Variants in GNAL observed in about 807,000 individuals in gnomAD.
The protein encoded by GNAL is G protein subunit alpha L, also known as guanine nucleotide-binding protein G(olf) subunit alpha.
A neutral mutation model predicts 55.1 loss-of-function variants in GNAL; 18 were observed. The ratio of observed to expected loss-of-function variants is 0.33; its 90% CI spans 0.23 to 0.48. GNAL has a LOEUF of 0.48. Ranked by LOEUF, GNAL falls within the 20% of genes least tolerant of loss-of-function variation. The probability of loss-of-function intolerance (pLI) is 0.99; values close to 1 mark genes in which losing one functional copy is unlikely to be tolerated. For synonymous variants in GNAL, 253 were observed against 237.0 expected, an observed-to-expected ratio of 1.07 and a Z score of -0.62; for missense variants, 412 against 614.1, an observed-to-expected ratio of 0.67 and a Z score of 3.48.
chr18:11,751,550 G>C lies in GNAL; in HGVS notation c.377-1303G>C, dbSNP rs1011635381. 4 of 985,428 alleles carry C rather than the reference G, an allele frequency of 4.1e-6. No individual in the cohort carries two copies. The highest frequency in any genetic ancestry group is 1.7e-5 in the African/African-American group (1 of 57,256). The allele number at this position is 985,428 out of a possible 1,614,324, so 61.0% of individuals were successfully genotyped here. ...TCCTCCTCCCTGCTAGAATATGCAT[G>C]ATCCTCCGCGAGTCTTCGCCCGCCA... On this transcript the variant is annotated intron_variant, in intron 1 of 11. Coordinates refer to ENST00000334049, the MANE Select transcript of GNAL (RefSeq NM_182978.4). This position sits in a 1 kb window ranked among gnomAD's most constrained non-coding sequence, Gnocchi z 4.5.
chr18:11,721,893 TAAA>T (rs1177998151), intron 1 of GNAL, among the ~76,000 whole-genome samples: 1 of 57,234 alleles, frequency 1.7e-5, no homozygotes. Flanking sequence ...TCTCAAAAAA[TAAA>T]TAAATAAATA....
intron 4 of GNAL, among the ~76,000 whole-genome samples, chr18:11,790,656 TTTTTC>T (rs1380534165): frequency 1.5e-4 from 8 of 54,362 alleles, no homozygotes; most frequent in Admixed American, 5.2e-4. Context: ...CTTTTCTTTT[TTTTTC>T]TTTTTTTTTT....
intron 4 of GNAL, among the ~76,000 whole-genome samples, chr18:11,785,413 A>C (rs550513294): frequency 2.6e-5 from 4 of 152,262 alleles, no homozygotes; most frequent in East Asian, 3.9e-4. Flanking sequence ...GAACAATGGG[A>C]AATGCAAATT....
chr18:11,769,218 AAT>A (rs970117568), intron 4 of GNAL, among the ~76,000 whole-genome samples: 6 of 145,028 alleles, frequency 4.1e-5, no homozygotes, highest in Non-Finnish European at 9.0e-5. Context: ...TATAATGTGT[AAT>A]ATAAAATTAA....
chr18:11,862,796 T>C (rs1567898990), intron 6 of GNAL, among the ~76,000 whole-genome samples: 1 of 151,426 alleles, frequency 6.6e-6, no homozygotes, highest in Non-Finnish European at 1.5e-5. Context: ...GCCCTGGGCC[T>C]GGGGGGTCCC....
chr18:11,772,788 T>C (rs1372939534), intron 4 of GNAL, among the ~76,000 whole-genome samples: 1 of 152,192 alleles, frequency 6.6e-6, no homozygotes, highest in African/African-American at 2.4e-5. Flanking sequence ...TCATTATCTA[T>C]TAGGTTGAAC....
chr18:11,745,616 A>C (rs1053278205), intron 1 of GNAL: 1 of 153,038 alleles, frequency 6.5e-6, no homozygotes, highest in Non-Finnish European at 1.5e-5. Context: ...CCATGGCTTC[A>C]CAGGACCGTA....
At chr18:11,791,547 T>TG (rs2034237023) in intron 4 of GNAL, among the ~76,000 whole-genome samples, 1 of 152,110 alleles carries the variant, frequency 6.6e-6, no homozygotes, top group Non-Finnish European at 1.5e-5. Flanking sequence ...GCTTTTAAAG[T>TG]GGGGGAGGAA....
At chr18:11,729,061 C>A (rs1375144011) in intron 1 of GNAL, among the ~76,000 whole-genome samples, 1 of 151,974 alleles carries the variant, frequency 6.6e-6, no homozygotes, top group African/African-American at 2.4e-5. Flanking sequence ...TTTTGATTTG[C>A]TCTTTGGTGT....
At chr18:11,851,227 CAGGAAG>C in intron 5 of GNAL, among the ~76,000 whole-genome samples, 1 of 152,378 alleles carries the variant, frequency 6.6e-6, no homozygotes, top group Non-Finnish European at 1.5e-5. Context: ...GAACGCAGCG[CAGGAAG>C]CGAGCGTTCC....
chr18:11,768,971 A>G lies in GNAL; in HGVS notation c.624+15026A>G, dbSNP rs1462057991. 3.8e-5 allele frequency among the ~76,000 whole-genome samples: 4 copies of G among 105,030 alleles called. 1 individual carries two copies. The highest frequency in any genetic ancestry group is 3.3e-4 in the Admixed American group (3 of 9,100). The allele number at this position is 105,030 out of a possible 152,430, so 68.9% of individuals were successfully genotyped here. On this transcript the variant is annotated intron_variant, in intron 4 of 11. Coordinates refer to ENST00000334049, the MANE Select transcript of GNAL (RefSeq NM_182978.4). ...TACTATATGTTATATATAATATATTATATATATTATATATTCTATATTATA... is the reference window on the plus strand; with the variant it reads ...TACTATATGTTATATATAATATATTGTATATATTATATATTCTATATTATA...
chr18:11,882,089 T>C lies in GNAL; in HGVS notation c.*954T>C, dbSNP rs1357244756. 6.6e-6 allele frequency: 1 copy of C among 152,200 alleles called. No homozygotes were observed. The highest frequency in any genetic ancestry group is 1.9e-4 in the East Asian group (1 of 5,186). 9.4% of individuals were successfully genotyped at this position (152,200 alleles called of 1,614,324 possible). A position where few individuals can be genotyped will look rare whatever the true frequency, so the allele number is the denominator to read the frequency against. ...ATAAAATACTCCCTGATTTAAAAAA[T>C]TGTAAGTTATACACGTTAATCATCC... On this transcript the variant is annotated 3_prime_UTR_variant, in exon 12 of 12. Transcript: ENST00000334049.
chr18:11,795,457 C>G (rs1432234188), intron 4 of GNAL, among the ~76,000 whole-genome samples: 1 of 150,950 alleles, frequency 6.6e-6, no homozygotes, highest in Non-Finnish European at 1.5e-5. Flanking sequence ...GAAAAAATAG[C>G]TTTCTTAAAT....
chr18:11,706,093 T>TTTTTG (rs1007079538), intron 1 of GNAL, among the ~76,000 whole-genome samples: 4 of 152,132 alleles, frequency 2.6e-5, no homozygotes, highest in African/African-American at 4.8e-5. Context: ...TATTTGCTAT[T>TTTTTG]TTTTGTTTTG....
rs1291412198 is a variant in GNAL at position 11,804,722 on chromosome 18, G to A, written c.625-20196G>A. Among the ~76,000 whole-genome samples the A allele has an allele frequency of 2.5e-5, 3 of 120,514 alleles. 1 individual carries two copies. The highest frequency in any genetic ancestry group is 5.1e-5 in the Non-Finnish European group (3 of 59,062). 79.1% of individuals were successfully genotyped at this position (120,514 alleles called of 152,430 possible). On this transcript the variant is annotated intron_variant, in intron 4 of 11. Coordinates refer to ENST00000334049, the MANE Select transcript of GNAL (RefSeq NM_182978.4). ...CTGTGTAGTGGTGAAGTACAGGAGC[G>A]GTTTGAGTGGGACACGGAGATACTG...
At chr18:11,773,728 G>T (rs2033700539) in intron 4 of GNAL, among the ~76,000 whole-genome samples, 1 of 152,188 alleles carries the variant, frequency 6.6e-6, no homozygotes, top group South Asian at 2.1e-4. Context: ...AGACTGTAAT[G>T]ACCTATGATT....
At chr18:11,814,915 A>T (rs1193099206) in intron 4 of GNAL, among the ~76,000 whole-genome samples, 1 of 151,240 alleles carries the variant, frequency 6.6e-6, no homozygotes, top group East Asian at 1.9e-4. Flanking sequence ...AAAAAAAAAA[A>T]GTTGATTTCA....
chr18:11,800,231 T>A (rs1478950895), intron 4 of GNAL, among the ~76,000 whole-genome samples: 2 of 151,906 alleles, frequency 1.3e-5, no homozygotes, highest in South Asian at 4.1e-4. Context: ...ATAATACAAG[T>A]GATGATAGAT....
At chr18:11,813,642 G>A (rs942645109) in intron 4 of GNAL, among the ~76,000 whole-genome samples, 1 of 152,226 alleles carries the variant, frequency 6.6e-6, no homozygotes, top group African/African-American at 2.4e-5. Context: ...ACAGTATAGT[G>A]CTAGCATGAG....
Sources: gnomAD v4.1 joint callset for allele counts (sites outside exome capture counted in the v4.1 genomes callset) on GRCh38, gnomAD v4.1.1 for gene constraint, Gnocchi (gnomAD v3.1) non-coding constraint, MANE v1.5 for transcripts, NCBI Gene and HGNC (gene_info 2026-07-23, HGNC 2026-07-21) for gene names.